CTDSPL: variants seen among roughly 807,000 people sequenced by gnomAD.
The protein encoded by CTDSPL is CTD small phosphatase-like protein.
In CTDSPL, 8 loss-of-function variants were observed where a neutral mutation model predicts 30.5. The observed-to-expected ratio is 0.26, with a 90% confidence interval of 0.15 to 0.47. The LOEUF is 0.47. CTDSPL is among the 20% of genes least tolerant of loss of function. CTDSPL has a pLI of 0.99. For synonymous variants in CTDSPL, 110 were observed against 137.9 expected (o/e 0.80, Z 1.42); for missense variants, 248 against 366.1 (o/e 0.68, Z 2.63).
At chr3:37,918,796 C>G (rs1359030982) in intron 1 of CTDSPL, among the ~76,000 whole-genome samples, 1 of 152,104 alleles carries the variant, frequency 6.6e-6, no homozygotes, top group Non-Finnish European at 1.5e-5. Flanking sequence ...CTTCACCCAA[C>G]AAACATTCAA....
intron 2 of CTDSPL, among the ~76,000 whole-genome samples, chr3:37,949,045 C>T (rs1004545057): frequency 6.6e-6 from 1 of 151,752 alleles, no homozygotes; most frequent in Non-Finnish European, 1.5e-5. Context: ...TGGTCTCGAT[C>T]TCCTGACCTC....
chr3:37,927,250 A>G (rs1698790894), intron 1 of CTDSPL, among the ~76,000 whole-genome samples: 1 of 152,202 alleles, frequency 6.6e-6, no homozygotes, highest in South Asian at 2.1e-4. Flanking sequence ...GTATATGAAA[A>G]GGTGCTCAAA....
chr3:37,964,604 G>T lies in CTDSPL; in HGVS notation c.301G>T (p.Val101Leu). The T allele has an allele frequency of 6.2e-7, 1 of 1,613,922 alleles. No homozygotes were observed. Among genetic ancestry groups the T allele is most frequent in the African/African-American group, 1.3e-5 (1 of 75,004 alleles). The change falls in exon 4 of 8, where the codon GTG (valine) becomes TTG (leucine). Residue 101 changes from valine to leucine, a missense_variant. Coordinates refer to ENST00000273179, the MANE Select transcript of CTDSPL (RefSeq NM_001008392.2). ...PAKYLLPEVT[V>L]LDYGKKCVVI... ...TAAGTACCTTCTTCCAGAGGTGACG[G>T]TGCTTGACTATGGAAAGAAATGTGT...
In CTDSPL at chr3:37,862,265, C is replaced by T. The variant is rs776044279; in HGVS notation, c.66C>T (p.Gly22=). ...AGGAGGACGAGGGCCGGTTGCCGGG[C>T]GCGGGCGAGAAAGGTGAGGAGGGGC... ...NPKEDEGRLP[G]AGEKASQCNV... is the part of the protein sequence containing the mutation. Residue 22 remains glycine (G), a synonymous_variant, in exon 1 of 8, where the codon GGC becomes GGT. Coordinates refer to ENST00000273179, the MANE Select transcript of CTDSPL (RefSeq NM_001008392.2). The surrounding 1 kb of genome is among the most constrained non-coding windows in gnomAD (Gnocchi z 4.3). 17 of 1,494,924 alleles carry T rather than the reference C, an allele frequency of 1.1e-5. No homozygotes were observed. Among genetic ancestry groups the T allele is most frequent in the Non-Finnish European group, 3.6e-6 (4 of 1,125,578 alleles). 92.6% of individuals were successfully genotyped at this position (1,494,924 alleles called of 1,614,324 possible).
At chr3:37,903,530 G>A (rs1698476302) in intron 1 of CTDSPL, among the ~76,000 whole-genome samples, 1 of 152,164 alleles carries the variant, frequency 6.6e-6, no homozygotes, top group Non-Finnish European at 1.5e-5. Context: ...GATGAATAAG[G>A]GTCTTCTGTC....
intron 7 of CTDSPL, among the ~76,000 whole-genome samples, chr3:37,979,056 T>A (rs1454102624): frequency 6.6e-6 from 1 of 152,198 alleles, no homozygotes; most frequent in Non-Finnish European, 1.5e-5. Flanking sequence ...ATCTGTAGTG[T>A]ATGTTTAATA....
intron 1 of CTDSPL, among the ~76,000 whole-genome samples, chr3:37,922,211 G>A (rs1055728560): frequency 2.0e-5 from 3 of 151,966 alleles, no homozygotes; most frequent in Non-Finnish European, 2.9e-5. Context: ...CTCCAGCCTG[G>A]GCAACAGAGC....
At chr3:37,964,032 TAAAAAAAAA>T (rs58061973) in intron 3 of CTDSPL, among the ~76,000 whole-genome samples, 911 of 22,820 alleles carry the variant, frequency 0.04, 15 homozygotes, top group African/African-American at 0.1. Context: ...TCTCAGTCAC[TAAAAAAAAA>T]AAAAAAAAAA....
chr3:37,941,411 CT>C (rs1043505707), intron 1 of CTDSPL, among the ~76,000 whole-genome samples: 1 of 148,352 alleles, frequency 6.7e-6, no homozygotes, highest in African/African-American at 2.4e-5. Flanking sequence ...TTCTTTCTAT[CT>C]TTTTTTCTTT....
At chr3:37,938,774 G>T (rs896107176) in intron 1 of CTDSPL, among the ~76,000 whole-genome samples, 2 of 148,610 alleles carry the variant, frequency 1.3e-5, no homozygotes, top group Admixed American at 1.4e-4. Flanking sequence ...TCCGCCTCCT[G>T]GGTTCAAACG....
Position 37,862,000 on chromosome 3 carries a change from G to C in CTDSPL, c.-200G>C, listed in dbSNP as rs1205596836. ...CATGGTGACGAGGCGGCGGCCGCTC[G>C]AGCCCAGCGGCGGCGGCGGCGGGAG... is the stretch of plus-strand genomic sequence containing the variant. On this transcript the variant is annotated 5_prime_UTR_variant, in exon 1 of 8. Coordinates refer to ENST00000273179, the MANE Select transcript of CTDSPL (RefSeq NM_001008392.2). The C allele has an allele frequency of 1.4e-5, 2 of 146,048 alleles. No homozygotes were observed. Among genetic ancestry groups the C allele is most frequent in the African/African-American group, 2.5e-5 (1 of 40,198 alleles). The allele number at this position is 146,048 out of a possible 1,614,324, so 9.0% of individuals were successfully genotyped here.
At chr3:37,865,948 G>A (rs185186311) in intron 1 of CTDSPL, among the ~76,000 whole-genome samples, 13 of 152,348 alleles carry the variant, frequency 8.5e-5, no homozygotes, top group African/African-American at 3.1e-4. Flanking sequence ...TGGGAGGCAG[G>A]AGGGGAGAAG....
intron 1 of CTDSPL, among the ~76,000 whole-genome samples, chr3:37,867,900 A>G (rs1449948295): frequency 6.6e-6 from 1 of 152,178 alleles, no homozygotes; most frequent in Non-Finnish European, 1.5e-5. Flanking sequence ...TATAGCCACC[A>G]TCACAAGCTA....
chr3:37,926,391 C>T (rs545814519), intron 1 of CTDSPL, among the ~76,000 whole-genome samples: 2 of 152,244 alleles, frequency 1.3e-5, no homozygotes, highest in Admixed American at 6.5e-5. Context: ...CAACCATGGG[C>T]CATGGGTCAG....
chr3:37,952,712 C>CTT (rs1253494259), intron 2 of CTDSPL, among the ~76,000 whole-genome samples: 2 of 152,190 alleles, frequency 1.3e-5, no homozygotes, highest in Non-Finnish European at 2.9e-5. Flanking sequence ...TGTCACATGG[C>CTT]TATCCAATAG....
Position 37,984,439 on chromosome 3 carries a change from T to C in CTDSPL, c.*3572T>C. ...AATCAAAAGGTTTGCAATGATTTCC[T>C]TCCTGCCAAAAATAAACATGTGAAA... On this transcript the variant is annotated 3_prime_UTR_variant, in exon 8 of 8. Coordinates refer to ENST00000273179, the MANE Select transcript of CTDSPL (RefSeq NM_001008392.2). 1 of 391,854 alleles carries C rather than the reference T, an allele frequency of 2.6e-6. No individual in the cohort carries two copies. The highest frequency in any genetic ancestry group is 1.8e-5 in the South Asian group (1 of 55,816). The allele number at this position is 391,854 out of a possible 1,614,324, so 24.3% of individuals were successfully genotyped here.
At chr3:37,900,699 A>G (rs575244962) in intron 1 of CTDSPL, among the ~76,000 whole-genome samples, 1 of 152,210 alleles carries the variant, frequency 6.6e-6, no homozygotes, top group Non-Finnish European at 1.5e-5. Flanking sequence ...CATGGAACCT[A>G]TCTCACATAT....
At chr3:37,977,797 T>C (rs1427979771) in intron 7 of CTDSPL, among the ~76,000 whole-genome samples, 1 of 151,580 alleles carries the variant, frequency 6.6e-6, no homozygotes, top group Non-Finnish European at 1.5e-5. Context: ...CTTGGGAGGC[T>C]GAGGTGGGAG....
At chr3:37,863,615 C>T (rs1417776347) in intron 1 of CTDSPL, among the ~76,000 whole-genome samples, 1 of 152,258 alleles carries the variant, frequency 6.6e-6, no homozygotes, top group African/African-American at 2.4e-5. Context: ...CTGGCCACAG[C>T]CGGCTTTGGG....
Sources: allele counts gnomAD v4.1 joint callset (sites outside exome capture counted in the v4.1 genomes callset), GRCh38; gene constraint gnomAD v4.1.1; non-coding constraint Gnocchi (gnomAD v3.1); transcripts MANE v1.5; gene names NCBI Gene and HGNC (gene_info 2026-07-23, HGNC 2026-07-21).